The following PDZRN3 variants were observed in gnomAD, a reference collection of about 807,000 sequenced individuals.
The protein encoded by PDZRN3 is PDZ domain containing ring finger 3.
In PDZRN3, 38 loss-of-function variants were observed where a neutral mutation model predicts 85.7. The ratio of observed to expected loss-of-function variants is 0.44; its 90% CI spans 0.34 to 0.58. PDZRN3 has a LOEUF of 0.58. Among genes scored for constraint, PDZRN3 ranks in the 20% least tolerant of loss-of-function variants. The pLI is 0.01. For missense variants in PDZRN3, 1,629 were observed against 1,506.4 expected, an observed-to-expected ratio of 1.08 and a Z score of -1.35; for synonymous variants, 759 against 638.0, an observed-to-expected ratio of 1.19 and a Z score of -2.86.
At chr3:73,493,696 G>T (rs772810742) in intron 3 of PDZRN3, among the ~76,000 whole-genome samples, 9 of 152,298 alleles carry the variant, frequency 5.9e-5, no homozygotes, top group African/African-American at 9.6e-5. Context: ...ATTCTATCAC[G>T]ACTAGTTTTA....
Position 73,624,268 on chromosome 3 carries a change from C to T in PDZRN3, c.558G>A (p.Lys186=), listed in dbSNP as rs1426894562. ...RLGALHKALK[K]EALRAGKREK... ...CGCGCTTCCCAGCGCGCAGCGCCTCCTTCTTGAGCGCCTTGTGCAGCGCGC... is the reference window on the plus strand; with the variant it reads ...CGCGCTTCCCAGCGCGCAGCGCCTCTTTCTTGAGCGCCTTGTGCAGCGCGC... The change falls in exon 1 of 10, where the codon AAG becomes AAA. Residue 186 remains lysine (K), a synonymous_variant. Transcript: ENST00000263666. The T allele has an allele frequency of 2.1e-6, 3 of 1,424,512 alleles. No individual in the cohort carries two copies. Among genetic ancestry groups the T allele is most frequent in the Non-Finnish European group, 2.7e-6 (3 of 1,096,624 alleles). The allele number at this position is 1,424,512 out of a possible 1,614,324, so 88.2% of individuals were successfully genotyped here.
Position 73,624,534 on chromosome 3 carries a change from G to T in PDZRN3, c.292C>A (p.Leu98Met). 1 of 1,486,180 alleles carries T rather than the reference G, an allele frequency of 6.7e-7. No homozygotes were observed. 92.1% of individuals were successfully genotyped at this position (1,486,180 alleles called of 1,614,324 possible). The change falls in exon 1 of 10, where the codon CTG becomes ATG. Residue 98 changes from leucine to methionine, a missense_variant. By Grantham distance (15) the Leu-to-Met change is conservative. Coordinates refer to ENST00000263666, the MANE Select transcript of PDZRN3 (RefSeq NM_015009.3). ...GCGRVVKLQQLPEHLERCDFA... is the reference protein window; with the variant it reads ...GCGRVVKLQQMPEHLERCDFA... ...TCGCAGCGCTCGAGGTGCTCCGGCAGCTGCTGCAGCTTGACCACCCGGCCG... is the reference window on the plus strand; with the variant it reads ...TCGCAGCGCTCGAGGTGCTCCGGCATCTGCTGCAGCTTGACCACCCGGCCG...
Position 73,522,022 on chromosome 3 carries a change from A to G in PDZRN3, c.918+80332T>C, listed in dbSNP as rs75943424. The stretch of plus-strand genomic sequence containing the variant: ...TAAGCTTTTCAGTGGTTGAAATAAT[A>G]ATATTTTATGACATGTGAAAATTAT... On this transcript the variant is annotated intron_variant, in intron 3 of 9. Coordinates refer to ENST00000263666, the MANE Select transcript of PDZRN3 (RefSeq NM_015009.3). 6.6e-3 allele frequency among the ~76,000 whole-genome samples: 1,006 copies of G among 152,324 alleles called. 8 individuals are homozygous for G. Among genetic ancestry groups the G allele is most frequent in the African/African-American group, 0.023 (967 of 41,556 alleles).
At chr3:73,614,476 AATG>A (rs1702731859) in intron 1 of PDZRN3, among the ~76,000 whole-genome samples, 1 of 152,192 alleles carries the variant, frequency 6.6e-6, no homozygotes, top group African/African-American at 2.4e-5. Context: ...GGTGTTCCCT[AATG>A]ATGTCTGTTG....
At chr3:73,557,854 C>T (rs1701734212) in intron 3 of PDZRN3, among the ~76,000 whole-genome samples, 1 of 152,120 alleles carries the variant, frequency 6.6e-6, no homozygotes, top group South Asian at 2.1e-4. Flanking sequence ...CCATTTACTT[C>T]AACTTATGTC....
chr3:73,429,953 C>G (rs73096416), intron 3 of PDZRN3, among the ~76,000 whole-genome samples: 16,126 of 152,114 alleles, frequency 0.11, 1,152 homozygotes, highest in African/African-American at 0.21. Context: ...GTCTGAGACA[C>G]CAAGGTCTTT....
chr3:73,460,886 C>G (rs1311968579), intron 3 of PDZRN3, among the ~76,000 whole-genome samples: 1 of 152,054 alleles, frequency 6.6e-6, no homozygotes, highest in Non-Finnish European at 1.5e-5. Flanking sequence ...CTCTGCCTCC[C>G]AGGTTCAAGC....
chr3:73,396,540 C>T (rs1701641085), intron 5 of PDZRN3, among the ~76,000 whole-genome samples: 2 of 152,312 alleles, frequency 1.3e-5, no homozygotes, highest in South Asian at 4.1e-4. Flanking sequence ...GGGCATCCTG[C>T]ATAATCTCCA....
intron 3 of PDZRN3, among the ~76,000 whole-genome samples, chr3:73,571,850 G>A (rs11721076): frequency 0.16 from 23,996 of 152,060 alleles, 2,374 homozygotes; most frequent in East Asian, 0.26. Flanking sequence ...CCCGAGCACC[G>A]TTTTGAAAAA....
Position 73,624,774 on chromosome 3 carries a change from A to C in PDZRN3, c.52T>G (p.Cys18Gly). 6.9e-7 allele frequency: 1 copy of C among 1,447,204 alleles called. No individual in the cohort carries two copies. The highest frequency in any genetic ancestry group is 1.5e-5 in the South Asian group (1 of 68,630). The allele number at this position is 1,447,204 out of a possible 1,614,324, so 89.6% of individuals were successfully genotyped here. Residue 18 changes from cysteine (C) to glycine (G), a missense_variant, in exon 1 of 10, where the codon TGC becomes GGC. By Grantham distance (159) the Cys-to-Gly change is radical. Transcript: ENST00000263666. ...FDGDVDPDLK[C>G]ALCHKVLEDP... ...TCCAGGACCTTGTGGCACAGCGCGC[A>C]CTTCAGGTCCGGGTCCACGTCGCCG...
rs1703307173 is a variant in PDZRN3 at position 73,383,596 on chromosome 3, C to G, written c.2970G>C (p.Arg990=). 4 of 1,614,132 alleles carry G rather than the reference C, an allele frequency of 2.5e-6. No individual in the cohort carries two copies. In the East Asian group the frequency reaches 6.7e-5, roughly 27 times the overall value. Residue 990 remains arginine (R), a synonymous_variant, in exon 10 of 10, where the codon CGG becomes CGC. Transcript: ENST00000263666. ...QHLVKAKEQR[R]RREFMMQSRL... is the part of the protein sequence containing the mutation. ...TGCTCTGCATCATGAACTCGCGCCG[C>G]CGCCGCTGCTCCTTGGCCTTCACCA...
chr3:73,520,356 T>C (rs1472302895), intron 3 of PDZRN3, among the ~76,000 whole-genome samples: 2 of 151,556 alleles, frequency 1.3e-5, no homozygotes, highest in Non-Finnish European at 2.9e-5. Context: ...AATGAAAAAA[T>C]AGCTGGGTGT....
chr3:73,601,956 T>C (rs897205672), intron 3 of PDZRN3, among the ~76,000 whole-genome samples: 13 of 152,116 alleles, frequency 8.5e-5, no homozygotes, highest in Admixed American at 7.2e-4. Flanking sequence ...CTGAGGACAT[T>C]AGAATGACTC....
chr3:73,533,634 T>C lies in PDZRN3; in HGVS notation c.918+68720A>G, dbSNP rs192579567. Among the ~76,000 whole-genome samples, 380 of 152,190 alleles carry C rather than the reference T, an allele frequency of 2.5e-3. 1 individual carries two copies. Among genetic ancestry groups the C allele is most frequent in the African/African-American group, 8.8e-3 (366 of 41,512 alleles). On this transcript the variant is annotated intron_variant, in intron 3 of 9. Coordinates refer to ENST00000263666, the MANE Select transcript of PDZRN3 (RefSeq NM_015009.3). Reference sequence around the variant, plus strand: ...TATAAGAAACAGATTATCCACCAAATGTCCACAGTAACCACCACTATCTTT... The same window carrying C: ...TATAAGAAACAGATTATCCACCAAACGTCCACAGTAACCACCACTATCTTT...
intron 4 of PDZRN3, 125 bp downstream of exon 4, chr3:73,404,023 G>C: frequency 1.1e-6 from 1 of 879,658 alleles, no homozygotes; most frequent in Non-Finnish European, 1.7e-6. Flanking sequence ...AAACAATAAA[G>C]TTAAACATGG....
At chr3:73,498,935 C>T (rs770095671) in intron 3 of PDZRN3, among the ~76,000 whole-genome samples, 4 of 152,064 alleles carry the variant, frequency 2.6e-5, no homozygotes, top group African/African-American at 4.8e-5. Flanking sequence ...GCTGGCTGTG[C>T]GGGTCGCTGG....
At chr3:73,535,056 G>T (rs1245092214) in intron 3 of PDZRN3, among the ~76,000 whole-genome samples, 3 of 151,918 alleles carry the variant, frequency 2.0e-5, no homozygotes, top group Non-Finnish European at 2.9e-5. Flanking sequence ...CCTTCTCGGG[G>T]GTTAAGGCTA....
chr3:73,487,877 C>G lies in PDZRN3; in HGVS notation c.919-83482G>C, dbSNP rs1703694783. 3.3e-5 allele frequency among the ~76,000 whole-genome samples: 5 copies of G among 152,318 alleles called. No individual in the cohort carries two copies. The South Asian group carries it at 1.0e-3, about 32-fold the overall frequency. On this transcript the variant is annotated intron_variant, in intron 3 of 9. Transcript: ENST00000263666. Reference sequence around the variant, plus strand: ...ATTCACCTTTAAGGCCATTTCACAACAGGGCAAAGACTCCCAGAAACATCA... The same window carrying G: ...ATTCACCTTTAAGGCCATTTCACAAGAGGGCAAAGACTCCCAGAAACATCA...
intron 5 of PDZRN3, among the ~76,000 whole-genome samples, chr3:73,394,589 A>G (rs1701598640): frequency 6.6e-6 from 1 of 152,222 alleles, no homozygotes; most frequent in Non-Finnish European, 1.5e-5. Context: ...CAATAATAAA[A>G]AAGCAAAGGG....
Sources: gnomAD v4.1 joint callset for allele counts (sites outside exome capture counted in the v4.1 genomes callset) on GRCh38, gnomAD v4.1.1 for gene constraint, MANE v1.5 for transcripts, NCBI Gene and HGNC (gene_info 2026-07-23, HGNC 2026-07-21) for gene names.